Variants in RRP15 observed in about 807,000 individuals in gnomAD.
RRP15 encodes the protein RRP15-like protein.
A neutral mutation model predicts 27.1 loss-of-function variants in RRP15; 18 were observed. The observed-to-expected ratio is 0.66, with a 90% CI of 0.46 to 0.98. The LOEUF (loss-of-function observed/expected upper bound fraction) is 0.98, where lower values mean the gene tolerates loss of function less well. Among genes scored for constraint, RRP15 ranks in the 50% least tolerant of loss-of-function variants. The pLI is 0.00. For missense variants in RRP15, 359 were observed against 337.8 expected (o/e 1.06, Z -0.49); for synonymous variants, 107 against 109.4 (o/e 0.98, Z 0.14).
intron 4 of RRP15, among the ~76,000 whole-genome samples, chr1:218,319,107 TG>T (rs1202445930): frequency 6.6e-6 from 1 of 152,010 alleles, no homozygotes; most frequent in Non-Finnish European, 1.5e-5. Flanking sequence ...TCACCCAGGC[TG>T]GAGTGCAATG....
chr1:218,307,357 T>G (rs574453958), intron 3 of RRP15, 74 bp from the exon 4 acceptor site: 4 of 1,308,328 alleles, frequency 3.1e-6, no homozygotes, highest in Non-Finnish European at 4.2e-6. Flanking sequence ...TGAAAATACA[T>G]TTTTCCTATC....
chr1:218,325,309 G>C (rs920197928), intron 4 of RRP15, among the ~76,000 whole-genome samples: 1 of 152,022 alleles, frequency 6.6e-6, no homozygotes, highest in Admixed American at 6.6e-5. Context: ...TTTTCCTTTG[G>C]TGGGACTCCT....
chr1:218,331,361 A>G lies in RRP15; in HGVS notation c.*270A>G, dbSNP rs77109127. ...GCGAGATGTGCATTTTGCCAGGATCATATTGGTCATGTCTATTGGTGTATT... is the reference window on the plus strand; with the variant it reads ...GCGAGATGTGCATTTTGCCAGGATCGTATTGGTCATGTCTATTGGTGTATT... On this transcript the variant is annotated 3_prime_UTR_variant, in exon 5 of 5. Coordinates refer to ENST00000366932, the MANE Select transcript of RRP15 (RefSeq NM_016052.4). The G allele has an allele frequency of 7.6e-6, 2 of 262,396 alleles. No homozygotes were observed. The highest frequency in any genetic ancestry group is 7.1e-5 in the South Asian group (1 of 14,068). 16.3% of individuals were successfully genotyped at this position (262,396 alleles called of 1,614,324 possible).
At chr1:218,325,135 C>T (rs1032249366) in intron 4 of RRP15, among the ~76,000 whole-genome samples, 2 of 152,168 alleles carry the variant, frequency 1.3e-5, no homozygotes, top group South Asian at 2.1e-4. Context: ...TATTCTCCAG[C>T]GGTTTTGTCA....
chr1:218,317,693 C>G (rs1656111294), intron 4 of RRP15, among the ~76,000 whole-genome samples: 1 of 147,212 alleles, frequency 6.8e-6, no homozygotes, highest in African/African-American at 2.5e-5. Context: ...GTGTCGAATA[C>G]AGATTTTAGA....
chr1:218,328,210 A>G (rs939423891), intron 4 of RRP15, among the ~76,000 whole-genome samples: 2 of 152,224 alleles, frequency 1.3e-5, no homozygotes, highest in African/African-American at 4.8e-5. Flanking sequence ...AATTGAGTAA[A>G]ACGTTGTACT....
At chr1:218,294,917 T>C (rs1655698075) in intron 1 of RRP15, among the ~76,000 whole-genome samples, 1 of 152,184 alleles carries the variant, frequency 6.6e-6, no homozygotes, top group African/African-American at 2.4e-5. Flanking sequence ...CAAATAGATA[T>C]TTCACAGTAT....
intron 1 of RRP15, among the ~76,000 whole-genome samples, chr1:218,294,623 G>A (rs1269099982): frequency 2.0e-5 from 3 of 152,022 alleles, no homozygotes; most frequent in Non-Finnish European, 4.4e-5. Flanking sequence ...CCAGGAGTTC[G>A]GCTATCCAGA....
At chr1:218,288,034 A>G (rs999652406) in intron 1 of RRP15, among the ~76,000 whole-genome samples, 5 of 152,190 alleles carry the variant, frequency 3.3e-5, no homozygotes, top group Middle Eastern at 3.2e-3. Context: ...CCAGCTGTTC[A>G]GAGAAGTGAC....
chr1:218,311,404 A>G (rs1041561412), intron 4 of RRP15, among the ~76,000 whole-genome samples: 8 of 152,230 alleles, frequency 5.3e-5, no homozygotes, highest in Non-Finnish European at 1.0e-4. Flanking sequence ...AAAATAATAT[A>G]CAATAATAAT....
At chr1:218,309,682 CAA>C (rs751452477) in intron 4 of RRP15, among the ~76,000 whole-genome samples, 424 of 22,406 alleles carry the variant, frequency 0.019, no homozygotes, top group African/African-American at 0.044. Context: ...GACTCCATCT[CAA>C]AAAAAAAAAA....
chr1:218,305,469 AATAC>A (rs1393705716), intron 3 of RRP15, among the ~76,000 whole-genome samples: 5 of 152,208 alleles, frequency 3.3e-5, no homozygotes, highest in South Asian at 2.1e-4. Flanking sequence ...TTTATGGCAT[AATAC>A]ATTACACATT....
intron 1 of RRP15, among the ~76,000 whole-genome samples, chr1:218,287,343 C>T (rs950724409): frequency 2.6e-5 from 4 of 151,926 alleles, no homozygotes; most frequent in East Asian, 1.9e-4. Flanking sequence ...GACTTTTCAG[C>T]GTATTATTAT....
chr1:218,324,226 T>TGCA (rs1558211846), intron 4 of RRP15, among the ~76,000 whole-genome samples: 1 of 152,160 alleles, frequency 6.6e-6, no homozygotes, highest in East Asian at 1.9e-4. Flanking sequence ...ATGTTTTCCC[T>TGCA]GCAGCAGCAG....
At chr1:218,290,220 A>G (rs758445170) in intron 1 of RRP15, among the ~76,000 whole-genome samples, 2 of 152,234 alleles carry the variant, frequency 1.3e-5, no homozygotes, top group Non-Finnish European at 2.9e-5. Flanking sequence ...TCATGGTAAT[A>G]TCAAATTACT....
rs1260698634 is a variant in RRP15, at chr1:218,336,423, C to T, written c.*5332C>T. The T allele has an allele frequency of 6.6e-6, 1 of 152,526 alleles. No individual in the cohort carries two copies. Among genetic ancestry groups the T allele is most frequent in the East Asian group, 1.9e-4 (1 of 5,188 alleles). The allele number at this position is 152,526 out of a possible 1,614,324, so 9.4% of individuals were successfully genotyped here. ...TTCATAAACATCAAAGTGAAAACAC[C>T]AAATTTGTAAGAGGTCAGGACCAAC... On this transcript the variant is annotated 3_prime_UTR_variant, in exon 5 of 5. Coordinates refer to ENST00000366932, the MANE Select transcript of RRP15 (RefSeq NM_016052.4).
In RRP15 at chr1:218,332,206, T is replaced by A. The variant is rs192254326; in HGVS notation, c.*1115T>A. The A allele has an allele frequency of 4.8e-4, 73 of 152,318 alleles. No individual in the cohort carries two copies. The highest frequency in any genetic ancestry group is 2.4e-3 in the Admixed American group (37 of 15,304). 9.4% of individuals were successfully genotyped at this position (152,318 alleles called of 1,614,324 possible). On this transcript the variant is annotated 3_prime_UTR_variant, in exon 5 of 5. Coordinates refer to ENST00000366932, the MANE Select transcript of RRP15 (RefSeq NM_016052.4). ...TTGAGTTAGCTTAAATTCTTTTTTA[T>A]GGACTGCCCAACCAGTGAATTGATG...
intron 4 of RRP15, among the ~76,000 whole-genome samples, chr1:218,328,948 G>A (rs904019906): frequency 1.3e-5 from 2 of 152,088 alleles, no homozygotes. Context: ...AAATATCAAA[G>A]GCAGGATAGG....
intron 1 of RRP15, among the ~76,000 whole-genome samples, chr1:218,300,411 A>G (rs1655793869): frequency 6.6e-6 from 1 of 152,148 alleles, no homozygotes. Flanking sequence ...CTTGAAACGT[A>G]TTAATGTTTT....
Sources: gnomAD v4.1 joint callset for allele counts (sites outside exome capture counted in the v4.1 genomes callset) on GRCh38, gnomAD v4.1.1 for gene constraint, MANE v1.5 for transcripts, NCBI Gene and HGNC (gene_info 2026-07-23, HGNC 2026-07-21) for gene names.